Variants in S100Z observed in about 807,000 individuals in gnomAD.
S100Z encodes the protein S100 calcium binding protein Z.
Under a neutral mutation model 8.5 loss-of-function variants are expected in S100Z, and 11 were observed. The ratio of observed to expected loss-of-function variants is 1.30; its 90% CI spans 0.82 to 2.15. S100Z has a LOEUF of 2.15. Ranked by LOEUF, S100Z falls within the 30% of genes most tolerant of loss-of-function variation. The probability of loss-of-function intolerance (pLI) is 0.00; values close to 1 mark genes in which losing one functional copy is unlikely to be tolerated. For missense variants in S100Z, 126 were observed against 117.9 expected (o/e 1.07, Z -0.32); for synonymous variants, 34 against 43.8 (o/e 0.78, Z 0.89).
chr5:76,949,569 G>A, the S100Z span, among the ~76,000 whole-genome samples: 1 of 152,138 alleles, frequency 6.6e-6, no homozygotes, highest in African/African-American at 2.4e-5. Flanking sequence ...CAACCTAAAT[G>A]TTGACGAATG....
intron 4 of S100Z, among the ~76,000 whole-genome samples, chr5:76,894,532 A>G (rs1189982928): frequency 6.6e-6 from 1 of 152,134 alleles, no homozygotes; most frequent in Admixed American, 6.5e-5. Flanking sequence ...TGGAAGAAAG[A>G]CTGGAAGACT....
chr5:76,883,804 G>A (rs1743497846), intron 4 of S100Z, among the ~76,000 whole-genome samples: 3 of 152,342 alleles, frequency 2.0e-5, no homozygotes, highest in Admixed American at 6.5e-5. Flanking sequence ...GTCCCAGGCT[G>A]CGGGCATTGC....
intron 1 of S100Z, among the ~76,000 whole-genome samples, chr5:76,859,654 C>T (rs1014831147): frequency 5.3e-5 from 8 of 151,240 alleles, no homozygotes; most frequent in African/African-American, 1.7e-4. Flanking sequence ...TGGTGGCGGG[C>T]GCCTGTAATC....
At position 76,858,594 on chromosome 5, in the gene S100Z, C is replaced by T. The variant is rs76406118; in HGVS notation, c.-176+8439C>T. 1.3e-3 allele frequency among the ~76,000 whole-genome samples: 205 copies of T among 151,984 alleles called. 1 individual carries two copies. In the Middle Eastern group the frequency reaches 0.021, roughly 15 times the overall value. ...TCCAGCGTGCCCATCATCCATTGTC[C>T]TGCCTGGACGATGACAAGTAGGGTG... On this transcript the variant is annotated intron_variant, in intron 1 of 4. Coordinates refer to ENST00000317593, the MANE Select transcript of S100Z (RefSeq NM_130772.4).
chr5:76,854,905 C>T (rs1207626065), intron 1 of S100Z, among the ~76,000 whole-genome samples: 1 of 152,270 alleles, frequency 6.6e-6, no homozygotes, highest in Non-Finnish European at 1.5e-5. Flanking sequence ...ATCACCTACC[C>T]TGTGTAAGCA....
intron 3 of S100Z, 32 bp from the exon 4 acceptor site, chr5:76,877,642 C>T: frequency 1.4e-6 from 2 of 1,441,262 alleles, no homozygotes; most frequent in African/African-American, 1.4e-5. Flanking sequence ...ACCTCAGAGC[C>T]AGGGAGTTAG....
intron 4 of S100Z, among the ~76,000 whole-genome samples, chr5:76,882,924 G>C (rs1580018781): frequency 1.3e-5 from 2 of 152,272 alleles, no homozygotes; most frequent in East Asian, 3.9e-4. Context: ...GAGGATAGGA[G>C]AGTATATGGG....
downstream of S100Z, among the ~76,000 whole-genome samples, chr5:76,921,862 G>T (rs190180275): frequency 2.0e-5 from 3 of 152,108 alleles, 1 homozygote; most frequent in South Asian, 6.2e-4. Context: ...GGCGGTGCAC[G>T]CCTGTATTCC....
chr5:76,867,476 C>CT (rs1742804457), intron 1 of S100Z, among the ~76,000 whole-genome samples: 1 of 152,094 alleles, frequency 6.6e-6, no homozygotes, highest in Non-Finnish European at 1.5e-5. Flanking sequence ...TCACATACGT[C>CT]TTGTCTTTCA....
At chr5:76,907,423 C>A (rs1401465230) in intron 4 of S100Z, among the ~76,000 whole-genome samples, 1 of 152,074 alleles carries the variant, frequency 6.6e-6, no homozygotes, top group Non-Finnish European at 1.5e-5. Flanking sequence ...CCTGCCTCAG[C>A]CTCCCAAGTA....
At chr5:76,864,494 T>C (rs1579998307) in intron 1 of S100Z, among the ~76,000 whole-genome samples, 1 of 137,720 alleles carries the variant, frequency 7.3e-6, no homozygotes, top group Non-Finnish European at 1.5e-5. Flanking sequence ...CTCTGCCTCC[T>C]GGGCTCAAGC....
At chr5:76,948,383 G>T in the S100Z span, among the ~76,000 whole-genome samples, 1 of 150,980 alleles carries the variant, frequency 6.6e-6, no homozygotes, top group African/African-American at 2.4e-5. Context: ...TGATCAACAG[G>T]GTGCAAAGGT....
rs397998225 is a variant in S100Z at position 76,887,416 on chromosome 5, T to TC, written c.*2+9583dup. On this transcript the variant is annotated intron_variant, in intron 4 of 4. Coordinates refer to ENST00000317593, the MANE Select transcript of S100Z (RefSeq NM_130772.4). Reference sequence around the variant, plus strand: ...CAGGCTTTTTTTTTTTTTTTTTTTTTCTGAGATGAGGTCTCGCTCTGTGCC... The same window carrying TC: ...CAGGCTTTTTTTTTTTTTTTTTTTTTCCTGAGATGAGGTCTCGCTCTGTGCC... 4.4e-3 allele frequency among the ~76,000 whole-genome samples: 631 copies of TC among 141,906 alleles called. 4 individuals are homozygous for TC. The highest frequency in any genetic ancestry group is 7.1e-3 in the Non-Finnish European group (474 of 66,304). The allele number at this position is 141,906 out of a possible 152,430, so 93.1% of individuals were successfully genotyped here.
At chr5:76,856,106 A>G (rs1160153808) in intron 1 of S100Z, among the ~76,000 whole-genome samples, 1 of 152,132 alleles carries the variant, frequency 6.6e-6, no homozygotes, top group Non-Finnish European at 1.5e-5. Context: ...GCCTTCTGCC[A>G]TGACTGAGCA....
chr5:76,863,598 G>A (rs1751132661), intron 1 of S100Z, among the ~76,000 whole-genome samples: 1 of 151,990 alleles, frequency 6.6e-6, no homozygotes, highest in Admixed American at 6.6e-5. Context: ...GAGTGCAGTG[G>A]CGCGATCTCG....
chr5:76,915,051 A>G (rs928668712), intron 4 of S100Z, among the ~76,000 whole-genome samples: 1 of 152,194 alleles, frequency 6.6e-6, no homozygotes, highest in African/African-American at 2.4e-5. Context: ...CACGCCTGCA[A>G]TCCCAGCACT....
chr5:76,869,347 T>C lies in S100Z; in HGVS notation c.-175-819T>C, dbSNP rs543737193. 3.5e-3 allele frequency among the ~76,000 whole-genome samples: 537 copies of C among 151,866 alleles called. 2 individuals carry two copies. Among genetic ancestry groups the C allele is most frequent in the African/African-American group, 0.012 (503 of 41,412 alleles). ...GGACAGAGAAGGCACCTATCAGAGATGGGGGGATGTGGGGTGGGTAGTTGG... is the reference window on the plus strand; with the variant it reads ...GGACAGAGAAGGCACCTATCAGAGACGGGGGGATGTGGGGTGGGTAGTTGG... On this transcript the variant is annotated intron_variant, in intron 1 of 4. Coordinates refer to ENST00000317593, the MANE Select transcript of S100Z (RefSeq NM_130772.4).
chr5:76,945,903 A>C, the S100Z span, among the ~76,000 whole-genome samples: 1 of 151,810 alleles, frequency 6.6e-6, no homozygotes, highest in African/African-American at 2.4e-5. Flanking sequence ...CTCTCATCCC[A>C]CCCGACGAGA....
chr5:76,912,004 A>T (rs1051047297), intron 4 of S100Z, among the ~76,000 whole-genome samples: 2 of 152,268 alleles, frequency 1.3e-5, no homozygotes, highest in African/African-American at 4.8e-5. Flanking sequence ...TCGTGGGACA[A>T]CCCCACAACC....
Sources: allele counts gnomAD v4.1 joint callset (sites outside exome capture counted in the v4.1 genomes callset), GRCh38; gene constraint gnomAD v4.1.1; transcripts MANE v1.5; gene names NCBI Gene and HGNC (gene_info 2026-07-23, HGNC 2026-07-21).